Variants in AMOTL1 observed in about 807,000 individuals in gnomAD.
AMOTL1 encodes the protein angiomotin-like protein 1.
Under a neutral mutation model 102.9 loss-of-function variants are expected in AMOTL1, and 45 were observed. The ratio of observed to expected loss-of-function variants is 0.44; its 90% CI spans 0.34 to 0.56. The LOEUF (loss-of-function observed/expected upper bound fraction) is 0.56. Among genes scored for constraint, AMOTL1 ranks in the 20% least tolerant of loss-of-function variants. The pLI, the probability that AMOTL1 is intolerant of heterozygous loss-of-function variation, is 0.01. For missense variants in AMOTL1, 1,114 were observed against 1,225.6 expected (o/e 0.91, Z 1.36); for synonymous variants, 481 against 484.7 (o/e 0.99, Z 0.10).
intron 4 of AMOTL1, among the ~76,000 whole-genome samples, chr11:94,823,882 A>T (rs1592003342): frequency 6.8e-6 from 1 of 147,588 alleles, no homozygotes; most frequent in Admixed American, 6.7e-5. Flanking sequence ...CACCTGGCTA[A>T]TTTTTTTTTT....
upstream of AMOTL1, among the ~76,000 whole-genome samples, chr11:94,763,550 C>T (rs1950820608): frequency 6.6e-6 from 1 of 152,154 alleles, no homozygotes; most frequent in African/African-American, 2.4e-5. Context: ...TCTGACTCCC[C>T]AAAAACTTAA....
rs149500556 is a variant in AMOTL1, at chr11:94,873,776, T to TACACACACACACACACAC, written c.*3001_*3018dup. On this transcript the variant is annotated 3_prime_UTR_variant, in exon 13 of 13. Coordinates refer to ENST00000433060, the MANE Select transcript of AMOTL1 (RefSeq NM_130847.3). ...TGTGATGTGTGTGTGCACGTGTAAC[T>TACACACACACACACACAC]ACACACACACACACACACACACACA... 4.9e-5 allele frequency: 7 copies of TACACACACACACACACAC among 142,476 alleles called. No homozygotes were observed. The highest frequency in any genetic ancestry group is 4.9e-4 in the Admixed American group (7 of 14,402). 8.8% of individuals were successfully genotyped at this position (142,476 alleles called of 1,614,324 possible).
At chr11:94,852,376 G>A (rs1437587876) in intron 7 of AMOTL1, among the ~76,000 whole-genome samples, 1 of 152,248 alleles carries the variant, frequency 6.6e-6, no homozygotes, top group Non-Finnish European at 1.5e-5. Flanking sequence ...TCACCTAGCA[G>A]CTAAATCACT....
upstream of AMOTL1, among the ~76,000 whole-genome samples, chr11:94,767,990 A>G (rs1186027798): frequency 1.1e-4 from 17 of 152,142 alleles, no homozygotes; most frequent in Non-Finnish European, 2.1e-4. Context: ...AAAAAAACCA[A>G]CCTAAGCAAA....
At chr11:94,711,549 C>T (rs1356882934) in intron 1 of AMOTL1, among the ~76,000 whole-genome samples, 1 of 152,090 alleles carries the variant, frequency 6.6e-6, no homozygotes, top group East Asian at 1.9e-4. Flanking sequence ...ATCAAAATAT[C>T]ACTAACCATA....
chr11:94,843,213 A>G (rs931157453), intron 6 of AMOTL1, among the ~76,000 whole-genome samples: 1 of 152,260 alleles, frequency 6.6e-6, no homozygotes, highest in African/African-American at 2.4e-5. Context: ...TTGTGAATTA[A>G]TGTGTGGCTT....
At chr11:94,811,668 C>G (rs1951685001) in intron 3 of AMOTL1, among the ~76,000 whole-genome samples, 1 of 151,834 alleles carries the variant, frequency 6.6e-6, no homozygotes, top group Admixed American at 6.6e-5. Context: ...CAATAGGAAA[C>G]AGATGGAAAC....
intron 6 of AMOTL1, among the ~76,000 whole-genome samples, chr11:94,848,520 C>G (rs995039507): frequency 1.3e-5 from 2 of 152,042 alleles, no homozygotes; most frequent in Non-Finnish European, 1.5e-5. Context: ...CTGATCCCAT[C>G]GACATAATTC....
At position 94,774,563 on chromosome 11, in the gene AMOTL1, A is replaced by G. The variant is rs140470777; in HGVS notation, c.49+6003A>G. On this transcript the variant is annotated intron_variant, in intron 1 of 12. Transcript: ENST00000433060. Reference sequence around the variant, plus strand: ...AGGAAATTAATTGGGTCTTAGATGTACAATTCCAGGACAGTTGTTCTCAAA... The same window carrying G: ...AGGAAATTAATTGGGTCTTAGATGTGCAATTCCAGGACAGTTGTTCTCAAA... 2.4e-3 allele frequency among the ~76,000 whole-genome samples: 363 copies of G among 152,294 alleles called. 3 individuals are homozygous for G. Among genetic ancestry groups the G allele is most frequent in the African/African-American group, 8.4e-3 (351 of 41,556 alleles).
At position 94,859,537 on chromosome 11, in the gene AMOTL1, G is replaced by T. The variant is rs751614117; in HGVS notation, c.1957G>T (p.Gly653Cys). Residue 653 changes from glycine (G) to cysteine (C), a missense_variant, in exon 9 of 13, where the codon GGC becomes TGC. Coordinates refer to ENST00000433060, the MANE Select transcript of AMOTL1 (RefSeq NM_130847.3). ...TCTACTCCTTCAGAAACATGGAAATGGCCAGCCAGCCAACATGCCGGAATA... is the reference window on the plus strand; with the variant it reads ...TCTACTCCTTCAGAAACATGGAAATTGCCAGCCAGCCAACATGCCGGAATA... The part of the protein sequence containing the change: ...ALRTQQKHGN[G>C]QPANMPEYNA... 5 of 1,611,990 alleles carry T rather than the reference G, an allele frequency of 3.1e-6. No individual in the cohort carries two copies. In the Admixed American group the frequency reaches 5.0e-5, roughly 16 times the overall value.
chr11:94,838,620 GA>G (rs1298135353), intron 6 of AMOTL1, among the ~76,000 whole-genome samples: 2 of 152,116 alleles, frequency 1.3e-5, no homozygotes, highest in Admixed American at 1.3e-4. Context: ...CCTAGTCATG[GA>G]AAAAGAAGAA....
chr11:94,845,143 G>A (rs758467965), intron 6 of AMOTL1, among the ~76,000 whole-genome samples: 5 of 152,152 alleles, frequency 3.3e-5, no homozygotes, highest in African/African-American at 4.8e-5. Context: ...GAACAGGGTC[G>A]TCTGTCCCAT....
At chr11:94,715,165 A>T (rs184953967) in intron 1 of AMOTL1, among the ~76,000 whole-genome samples, 2 of 152,218 alleles carry the variant, frequency 1.3e-5, no homozygotes, top group East Asian at 3.9e-4. Flanking sequence ...CCATGTGCCT[A>T]AAGGTTTTTC....
chr11:94,834,932 C>A (rs547841123), intron 6 of AMOTL1, among the ~76,000 whole-genome samples: 1 of 152,104 alleles, frequency 6.6e-6, no homozygotes, highest in African/African-American at 2.4e-5. Context: ...TTTATGAAGG[C>A]CTTGGTGGAC....
In AMOTL1 at chr11:94,768,414, G is replaced by T. The variant is rs1473339688; in HGVS notation, c.-98G>T. On this transcript the variant is annotated 5_prime_UTR_variant, in exon 1 of 13. Coordinates refer to ENST00000433060, the MANE Select transcript of AMOTL1 (RefSeq NM_130847.3). ...TGTCGGGTTTGGGGCTGGAGGTGAAGCCCTGTGTGAATGGGGTTGATTGTC... is the reference window on the plus strand; with the variant it reads ...TGTCGGGTTTGGGGCTGGAGGTGAATCCCTGTGTGAATGGGGTTGATTGTC... 4 of 1,535,250 alleles carry T rather than the reference G, an allele frequency of 2.6e-6. No individual in the cohort carries two copies. The highest frequency in any genetic ancestry group is 2.7e-5 in the African/African-American group (2 of 72,932).
At chr11:94,790,054 G>T (rs1169066173) in intron 1 of AMOTL1, among the ~76,000 whole-genome samples, 1 of 152,060 alleles carries the variant, frequency 6.6e-6, no homozygotes, top group African/African-American at 2.4e-5. Flanking sequence ...GGAGAGTAAG[G>T]GCCCCCTCAT....
chr11:94,862,690 G>T (rs1264545931), intron 9 of AMOTL1, among the ~76,000 whole-genome samples: 1 of 152,060 alleles, frequency 6.6e-6, no homozygotes, highest in Non-Finnish European at 1.5e-5. Flanking sequence ...CTCCTTACTT[G>T]GCAATGTAAA....
rs201350140 is a variant in AMOTL1, at chr11:94,754,232, A to G, written c.136+13244A>G. Among the ~76,000 whole-genome samples, 6 of 152,328 alleles carry G rather than the reference A, an allele frequency of 3.9e-5. No homozygotes were observed. In the East Asian group the frequency reaches 9.6e-4, roughly 24 times the overall value. ...CAGAGAAGAGGAACCCGACTCAGTC[A>G]TGGAGGTCAAGGAGAGGCCAGGCTG... On this transcript the variant is annotated intron_variant, in intron 3 of 4. Coordinates refer to the AMOTL1 transcript ENST00000299004.
chr11:94,781,821 G>T (rs972311565), intron 1 of AMOTL1, among the ~76,000 whole-genome samples: 1 of 150,942 alleles, frequency 6.6e-6, no homozygotes, highest in South Asian at 2.1e-4. Context: ...GTGACATAGC[G>T]AGACTCCGTC....
Sources: allele counts gnomAD v4.1 joint callset (sites outside exome capture counted in the v4.1 genomes callset), GRCh38; gene constraint gnomAD v4.1.1; transcripts MANE v1.5; gene names NCBI Gene and HGNC (gene_info 2026-07-23, HGNC 2026-07-21).